PHLDB2: variants seen among roughly 807,000 people sequenced by gnomAD.
PHLDB2 encodes pleckstrin homology like domain family B member 2, also known as pleckstrin homology-like domain family B member 2.
A neutral mutation model predicts 123.6 loss-of-function variants in PHLDB2; 71 were observed. That is an observed-to-expected ratio of 0.57 (90% CI 0.47 to 0.70). The LOEUF (loss-of-function observed/expected upper bound fraction) is 0.70. PHLDB2 is among the 30% of genes least tolerant of loss of function. The pLI is 0.00. For synonymous variants in PHLDB2, 547 were observed against 541.6 expected, an observed-to-expected ratio of 1.01 and a Z score of -0.14; for missense variants, 1,446 against 1,519.5, an observed-to-expected ratio of 0.95 and a Z score of 0.80.
intron 1 of PHLDB2, 73 bp downstream of exon 1, chr3:111,859,649 G>A: frequency 1.0e-6 from 1 of 985,322 alleles, no homozygotes; most frequent in South Asian, 4.7e-5. Flanking sequence ...GCGTCCCGGG[G>A]ACGCTGCCTC....
chr3:111,743,510 T>G (rs1200722711), intron 1 of PHLDB2, among the ~76,000 whole-genome samples: 1 of 152,116 alleles, frequency 6.6e-6, no homozygotes, highest in Non-Finnish European at 1.5e-5. Context: ...TAAACAGGAA[T>G]AGTGAACAAA....
chr3:111,824,592 A>G (rs2062561844), intron 1 of PHLDB2, among the ~76,000 whole-genome samples: 1 of 152,208 alleles, frequency 6.6e-6, no homozygotes, highest in Admixed American at 6.5e-5. Context: ...CCAGAAGTGG[A>G]AGTAAAAGCA....
upstream of PHLDB2, among the ~76,000 whole-genome samples, chr3:111,857,110 G>A (rs2064546549): frequency 6.6e-6 from 1 of 152,056 alleles, no homozygotes; most frequent in South Asian, 2.1e-4. Flanking sequence ...ATTTACCTAG[G>A]AATCTAGTCT....
chr3:111,866,267 C>T (rs145328658), intron 1 of PHLDB2, among the ~76,000 whole-genome samples: 28 of 152,014 alleles, frequency 1.8e-4, no homozygotes, highest in Non-Finnish European at 3.8e-4. Context: ...ATCTGCCCAC[C>T]TCAGCATCAC....
intron 1 of PHLDB2, among the ~76,000 whole-genome samples, chr3:111,798,738 T>C (rs1042511257): frequency 2.7e-5 from 4 of 146,446 alleles, no homozygotes; most frequent in Non-Finnish European, 6.1e-5. Context: ...ATCTGAACAA[T>C]TCTAGGATCT....
At chr3:111,814,040 T>TC (rs1244113488) in intron 1 of PHLDB2, among the ~76,000 whole-genome samples, 2 of 152,222 alleles carry the variant, frequency 1.3e-5, no homozygotes, top group Non-Finnish European at 2.9e-5. Flanking sequence ...AACATAAGTC[T>TC]CCTTCAAATA....
intron 1 of PHLDB2, among the ~76,000 whole-genome samples, chr3:111,743,548 ATCT>A (rs1396333746): frequency 6.6e-6 from 1 of 152,200 alleles, no homozygotes; most frequent in Middle Eastern, 3.2e-3. Context: ...TAGCAGTGAG[ATCT>A]TCTGATGTCA....
At chr3:111,756,669 G>A (rs2059895894) in intron 1 of PHLDB2, among the ~76,000 whole-genome samples, 1 of 152,106 alleles carries the variant, frequency 6.6e-6, no homozygotes, top group African/African-American at 2.4e-5. Context: ...ATATTGTTAT[G>A]TGTGAATTTG....
intron 11 of PHLDB2, 88 bp downstream of exon 11, chr3:111,952,800 G>C (rs1355527107): frequency 3.5e-6 from 5 of 1,430,936 alleles, no homozygotes; most frequent in Non-Finnish European, 4.7e-6. Context: ...TTAAAGAAAA[G>C]TGCTAAATAA....
rs1220668769 is a variant in PHLDB2, at chr3:111,831,026, AAAGAAAGG to A, written c.-48-14791_-48-14784del. Among the ~76,000 whole-genome samples the A allele has an allele frequency of 2.5e-3, 200 of 78,636 alleles. 7 individuals carry two copies. Among genetic ancestry groups the A allele is most frequent in the African/African-American group, 5.6e-3 (152 of 26,996 alleles). The allele number at this position is 78,636 out of a possible 152,430, so 51.6% of individuals were successfully genotyped here. A position where few individuals can be genotyped will look rare whatever the true frequency, so the allele number is the denominator to read the frequency against. ...GAAAGAAAGAAAGAAAGAAAGAAAG[AAAGAAAGG>A]AAGGAAGGAAGAAAGAGAAAAGAGA... On this transcript the variant is annotated intron_variant, in intron 1 of 17. Coordinates refer to the PHLDB2 transcript ENST00000393923.
At chr3:111,822,898 T>A (rs1381879079) in intron 1 of PHLDB2, among the ~76,000 whole-genome samples, 1 of 150,216 alleles carries the variant, frequency 6.7e-6, no homozygotes, top group Non-Finnish European at 1.5e-5. Flanking sequence ...GAAAAAAAAA[T>A]ATGCACATAA....
intron 1 of PHLDB2, among the ~76,000 whole-genome samples, chr3:111,741,921 T>C (rs771750524): frequency 9.2e-5 from 14 of 152,238 alleles, no homozygotes; most frequent in Non-Finnish European, 1.6e-4. Flanking sequence ...TGCTGAATTT[T>C]ATACCCCATT....
chr3:111,840,734 T>A (rs2063649454), intron 1 of PHLDB2, among the ~76,000 whole-genome samples: 1 of 152,170 alleles, frequency 6.6e-6, no homozygotes, highest in Admixed American at 6.6e-5. Flanking sequence ...TTCTTGCCTA[T>A]CAATTAGACG....
chr3:111,751,771 T>C (rs564755409), intron 1 of PHLDB2, among the ~76,000 whole-genome samples: 2 of 152,028 alleles, frequency 1.3e-5, no homozygotes, highest in East Asian at 3.9e-4. Flanking sequence ...CACACCAACA[T>C]GGTACATGTA....
At chr3:111,909,706 A>C (rs2067764695) in intron 2 of PHLDB2, among the ~76,000 whole-genome samples, 1 of 152,248 alleles carries the variant, frequency 6.6e-6, no homozygotes, top group Admixed American at 6.5e-5. Flanking sequence ...ACTGAAGATT[A>C]TGGAGACATT....
At position 111,920,429 on chromosome 3, in the gene PHLDB2, A is replaced by G. The variant is rs774250510; in HGVS notation, c.2001+10A>G. 1 of 1,610,554 alleles carries G rather than the reference A, an allele frequency of 6.2e-7. No individual in the cohort carries two copies. Among genetic ancestry groups the G allele is most frequent in the Non-Finnish European group, 8.5e-7 (1 of 1,178,850 alleles). ...TGGTGAAAAGACCAAGGTAAAAGAA[A>G]ATTATATTTCAATGCAGTTTTTATG... On this transcript the variant is annotated intron_variant, in intron 5 of 17. Transcript: ENST00000431670.
chr3:111,780,517 G>C (rs2060432258), intron 1 of PHLDB2, among the ~76,000 whole-genome samples: 1 of 151,536 alleles, frequency 6.6e-6, no homozygotes, highest in Non-Finnish European at 1.5e-5. Flanking sequence ...CATGCTCTTA[G>C]ACTTCTCAGC....
intron 1 of PHLDB2, among the ~76,000 whole-genome samples, chr3:111,834,054 TA>T (rs1559857773): frequency 2.7e-4 from 30 of 112,506 alleles, no homozygotes; most frequent in East Asian, 1.8e-3. Context: ...GAATTATATA[TA>T]ATATATGTAA....
intron 1 of PHLDB2, among the ~76,000 whole-genome samples, chr3:111,830,666 G>A (rs1402652179): frequency 6.7e-6 from 1 of 148,300 alleles, no homozygotes; most frequent in Admixed American, 6.7e-5. Flanking sequence ...AAAATTAGCC[G>A]GGCGTAGTGG....
Sources: allele counts gnomAD v4.1 joint callset (sites outside exome capture counted in the v4.1 genomes callset), GRCh38; gene constraint gnomAD v4.1.1; transcripts MANE v1.5; gene names NCBI Gene and HGNC (gene_info 2026-07-23, HGNC 2026-07-21).